MTUS2: variants seen among roughly 807,000 people sequenced by gnomAD.
MTUS2 encodes the protein microtubule associated scaffold protein 2, also known as microtubule-associated tumor suppressor candidate 2.
Under a neutral mutation model 114.1 loss-of-function variants are expected in MTUS2, and 40 were observed. The observed-to-expected ratio is 0.35, with a 90% CI of 0.27 to 0.46. The LOEUF (loss-of-function observed/expected upper bound fraction) is 0.46. MTUS2 is among the 20% of genes least tolerant of loss of function. The probability of loss-of-function intolerance (pLI) is 1.00; values close to 1 mark genes in which losing one functional copy is unlikely to be tolerated. For synonymous variants in MTUS2, 688 were observed against 672.0 expected (o/e 1.02, Z -0.37); for missense variants, 1,679 against 1,705.4 (o/e 0.98, Z 0.27).
chr13:29,092,337 T>C (rs1889993261), intron 4 of MTUS2, among the ~76,000 whole-genome samples: 1 of 152,196 alleles, frequency 6.6e-6, no homozygotes, highest in South Asian at 2.1e-4. Context: ...TTAGCCTTTT[T>C]TTTGCATACT....
At chr13:29,056,414 A>G (rs326512) in intron 4 of MTUS2, among the ~76,000 whole-genome samples, 147,732 of 152,204 alleles carry the variant, frequency 0.97, 71,719 homozygotes, top group Non-Finnish European at 0.98. Context: ...AGTGGAAATG[A>G]TACCAATTCT....
intron 7 of MTUS2, among the ~76,000 whole-genome samples, chr13:29,356,475 G>A (rs770905117): frequency 2.9e-4 from 44 of 152,214 alleles, no homozygotes; most frequent in African/African-American, 1.1e-3. Flanking sequence ...AGTGATCTTC[G>A]TTCAACATAA....
chr13:29,348,462 C>CT (rs1272968152), intron 7 of MTUS2, among the ~76,000 whole-genome samples: 1 of 152,030 alleles, frequency 6.6e-6, no homozygotes, highest in East Asian at 1.9e-4. Flanking sequence ...TTTATTGAGC[C>CT]TTGTTTTAAG....
chr13:29,330,713 T>G (rs1403932559), intron 7 of MTUS2, among the ~76,000 whole-genome samples: 1 of 152,214 alleles, frequency 6.6e-6, no homozygotes, highest in Non-Finnish European at 1.5e-5. Flanking sequence ...ATTGCTTGTT[T>G]TTGTCAGGGT....
chr13:29,459,667 C>A (rs191054513), intron 9 of MTUS2, among the ~76,000 whole-genome samples: 1 of 152,172 alleles, frequency 6.6e-6, no homozygotes, highest in Non-Finnish European at 1.5e-5. Flanking sequence ...CTTTTTATTG[C>A]ATTCACTTTC....
chr13:28,825,516 G>A (rs190413272), intron 1 of MTUS2, among the ~76,000 whole-genome samples: 88 of 152,292 alleles, frequency 5.8e-4, no homozygotes, highest in Non-Finnish European at 9.0e-4. Flanking sequence ...AAATTACTCA[G>A]TCATTGACCG....
intron 4 of MTUS2, among the ~76,000 whole-genome samples, chr13:29,071,634 G>A (rs1428543310): frequency 3.3e-5 from 5 of 151,468 alleles, no homozygotes; most frequent in African/African-American, 1.2e-4. Context: ...CACCATGTTG[G>A]TCAGGCTGGT....
intron 4 of MTUS2, among the ~76,000 whole-genome samples, chr13:29,036,971 A>T: frequency 6.6e-6 from 1 of 152,044 alleles, no homozygotes. Flanking sequence ...CGAATTTGCC[A>T]GTCTGTGTCT....
chr13:29,333,455 C>G (rs1293356526), intron 7 of MTUS2, among the ~76,000 whole-genome samples: 1 of 152,172 alleles, frequency 6.6e-6, no homozygotes, highest in East Asian at 1.9e-4. Context: ...CCTTAGCCTC[C>G]CAAAGTGCTG....
At chr13:29,447,020 G>A (rs1878333182) in intron 9 of MTUS2, among the ~76,000 whole-genome samples, 1 of 152,062 alleles carries the variant, frequency 6.6e-6, no homozygotes, top group South Asian at 2.1e-4. Context: ...CTTGAGCACC[G>A]ACCTGATGCT....
intron 1 of MTUS2, among the ~76,000 whole-genome samples, chr13:28,837,562 A>G (rs1875178163): frequency 6.6e-6 from 1 of 152,204 alleles, no homozygotes; most frequent in African/African-American, 2.4e-5. Flanking sequence ...CTACACATGT[A>G]TATATCTACT....
chr13:29,249,754 G>T (rs1376370495), intron 5 of MTUS2, among the ~76,000 whole-genome samples: 2 of 152,072 alleles, frequency 1.3e-5, no homozygotes, highest in East Asian at 3.9e-4. Flanking sequence ...ATTCCGGTAG[G>T]TTGCCTGTTC....
chr13:28,995,561 A>C (rs371907951), intron 2 of MTUS2, among the ~76,000 whole-genome samples: 7,976 of 151,026 alleles, frequency 0.053, 343 homozygotes, highest in African/African-American at 0.12. Flanking sequence ...TTGTTTGTAT[A>C]CTCTTTTATT....
rs540288804 is a variant in MTUS2, at chr13:29,193,740, CTACTT to C, written c.2645-87961_2645-87957del. Among the ~76,000 whole-genome samples the C allele has an allele frequency of 2.8e-4, 42 of 152,222 alleles. 1 individual carries two copies. The East Asian group carries it at 6.9e-3, about 25-fold the overall frequency. ...ACTTTCTTCACAGAATTGGAAAAAA[CTACTT>C]TAAAGTTCATGTGGAACCAAAAAAG... On this transcript the variant is annotated intron_variant, in intron 5 of 15. Coordinates refer to ENST00000612955, the MANE Select transcript of MTUS2 (RefSeq NM_001033602.4).
At chr13:29,416,659 A>G (rs1330087899) in intron 8 of MTUS2, among the ~76,000 whole-genome samples, 2 of 152,200 alleles carry the variant, frequency 1.3e-5, no homozygotes, top group African/African-American at 4.8e-5. Flanking sequence ...ACACTTTGCC[A>G]GTAGCCTTGA....
intron 8 of MTUS2, among the ~76,000 whole-genome samples, chr13:29,369,343 G>C (rs572316555): frequency 6.0e-4 from 91 of 152,222 alleles, no homozygotes; most frequent in Admixed American, 1.0e-3. Context: ...GAAAATCTGT[G>C]CCCGGAGAAA....
chr13:29,347,564 C>T (rs1028250179), intron 7 of MTUS2, among the ~76,000 whole-genome samples: 2 of 151,926 alleles, frequency 1.3e-5, no homozygotes, highest in African/African-American at 4.8e-5. Flanking sequence ...CTCACAGCAC[C>T]TCTGACACGA....
intron 2 of MTUS2, among the ~76,000 whole-genome samples, chr13:29,014,856 G>A (rs1488230221): frequency 3.5e-4 from 54 of 152,234 alleles, no homozygotes; most frequent in Admixed American, 3.5e-3. Flanking sequence ...AGGGAGAATG[G>A]CTCGTTAGAG....
intron 2 of MTUS2, among the ~76,000 whole-genome samples, chr13:28,864,234 A>G (rs1877162347): frequency 6.6e-6 from 1 of 152,202 alleles, no homozygotes; most frequent in Non-Finnish European, 1.5e-5. Context: ...AAACATACCA[A>G]TTGTGAGTTC....
Sources: gnomAD v4.1 joint callset for allele counts (sites outside exome capture counted in the v4.1 genomes callset) on GRCh38, gnomAD v4.1.1 for gene constraint, MANE v1.5 for transcripts, NCBI Gene and HGNC (gene_info 2026-07-23, HGNC 2026-07-21) for gene names.